The following NEDD9 variants were observed in gnomAD, a reference collection of about 807,000 sequenced individuals.
The protein encoded by NEDD9 is enhancer of filamentation 1.
A neutral mutation model predicts 76.6 loss-of-function variants in NEDD9; 26 were observed. The observed-to-expected ratio is 0.34, with a 90% CI of 0.25 to 0.47. NEDD9 has a LOEUF of 0.47. NEDD9 is among the 20% of genes least tolerant of loss of function. NEDD9 has a pLI of 1.00. For missense variants in NEDD9, 937 were observed against 1,058.5 expected (o/e 0.89, Z 1.59); for synonymous variants, 392 against 414.2 (o/e 0.95, Z 0.65).
chr6:11,258,974 G>C lies in NEDD9; in HGVS notation c.13-45247C>G, dbSNP rs562623359. On this transcript the variant is annotated intron_variant, in intron 3 of 3. Transcript: ENST00000397378. Reference sequence around the variant, plus strand: ...CTCTGGGCAGGACTGAGGGGGACCTGGGTATATGACCAAGCCCTGGACAGT... The same window carrying C: ...CTCTGGGCAGGACTGAGGGGGACCTCGGTATATGACCAAGCCCTGGACAGT... The C allele has an allele frequency of 7.9e-5, 12 of 152,462 alleles. No individual in the cohort carries two copies. The East Asian group carries it at 2.1e-3, about 27-fold the overall frequency. 9.4% of individuals were successfully genotyped at this position (152,462 alleles called of 1,614,324 possible).
intron 1 of NEDD9, among the ~76,000 whole-genome samples, chr6:11,338,762 A>G (rs1487716640): frequency 6.6e-6 from 1 of 151,994 alleles, no homozygotes; most frequent in Non-Finnish European, 1.5e-5. Context: ...TATCTACTAA[A>G]AATACAAAAA....
At chr6:11,360,779 T>C (rs1216857004) in intron 1 of NEDD9, among the ~76,000 whole-genome samples, 3 of 151,316 alleles carry the variant, frequency 2.0e-5, no homozygotes, top group Non-Finnish European at 4.4e-5. Flanking sequence ...CTCAGGTATT[T>C]CTTTATAGCA....
chr6:11,326,772 G>A (rs368876694), intron 2 of NEDD9, among the ~76,000 whole-genome samples: 10 of 152,306 alleles, frequency 6.6e-5, no homozygotes, highest in South Asian at 2.1e-4. Context: ...CCCCTGCCCC[G>A]TACCATCTTC....
At chr6:11,353,729 C>T (rs533987096) in intron 1 of NEDD9, among the ~76,000 whole-genome samples, 7 of 152,218 alleles carry the variant, frequency 4.6e-5, no homozygotes, top group South Asian at 2.1e-4. Flanking sequence ...CCACCTTTAA[C>T]GTGGAAAACC....
chr6:11,365,873 C>A (rs1349101752), intron 1 of NEDD9, among the ~76,000 whole-genome samples: 1 of 152,022 alleles, frequency 6.6e-6, no homozygotes, highest in African/African-American at 2.4e-5. Context: ...CATCTGTAGA[C>A]CCAACTACTC....
At chr6:11,375,256 T>C (rs1335654144) in intron 1 of NEDD9, among the ~76,000 whole-genome samples, 1 of 152,212 alleles carries the variant, frequency 6.6e-6, no homozygotes, top group Non-Finnish European at 1.5e-5. Context: ...CTCAGAAATA[T>C]CATGTTGACC....
In NEDD9 at chr6:11,346,484, C is replaced by CA. The variant is rs576907050; in HGVS notation, c.-213-11924_-213-11923insT. On this transcript the variant is annotated intron_variant, in intron 1 of 3. Transcript: ENST00000397378. The stretch of plus-strand genomic sequence containing the variant: ...TTATAAGAAGGCTCGGAGGCCCCCC[C>CA]CCCCGAGGTGAGTGGAAAGCCCTCT... Among the ~76,000 whole-genome samples, 15 of 151,850 alleles carry CA rather than the reference C, an allele frequency of 9.9e-5. No individual in the cohort carries two copies. In the South Asian group the frequency reaches 1.3e-3, roughly 13 times the overall value.
At chr6:11,259,969 C>T (rs1283797714) in intron 3 of NEDD9, among the ~76,000 whole-genome samples, 1 of 150,838 alleles carries the variant, frequency 6.6e-6, no homozygotes, top group Non-Finnish European at 1.5e-5. Flanking sequence ...CAGACACACA[C>T]CCCACCACAG....
intron 1 of NEDD9, among the ~76,000 whole-genome samples, chr6:11,216,699 T>C (rs952985140): frequency 2.6e-5 from 4 of 152,212 alleles, no homozygotes; most frequent in African/African-American, 9.6e-5. Flanking sequence ...CTTTGGGCCT[T>C]AGTTTCCCGG....
intron 1 of NEDD9, among the ~76,000 whole-genome samples, chr6:11,364,861 T>A (rs1040918053): frequency 1.3e-5 from 2 of 152,184 alleles, no homozygotes; most frequent in South Asian, 2.1e-4. Flanking sequence ...GCTATTTTTT[T>A]AAACAATAAT....
At chr6:11,297,136 T>TG (rs202010784) in intron 3 of NEDD9, among the ~76,000 whole-genome samples, 398 of 152,010 alleles carry the variant, frequency 2.6e-3, no homozygotes, top group African/African-American at 5.9e-3. Flanking sequence ...TGTTTTGTTT[T>TG]TTTTTTTTTT....
chr6:11,305,310 A>G (rs1761153452), intron 3 of NEDD9: 2 of 415,198 alleles, frequency 4.8e-6, no homozygotes, highest in Non-Finnish European at 8.3e-6. Flanking sequence ...ACAGAGATTC[A>G]AAAGGGTCAG....
At chr6:11,374,066 C>CTATATATATATA (rs35562815) in intron 1 of NEDD9, among the ~76,000 whole-genome samples, 1 of 149,554 alleles carries the variant, frequency 6.7e-6, no homozygotes, top group African/African-American at 2.5e-5. Flanking sequence ...CTCTCTCTCT[C>CTATATATATATA]TATATATATA....
intron 1 of NEDD9, 66 bp downstream of exon 1, chr6:11,232,438 C>A: frequency 6.3e-7 from 1 of 1,598,502 alleles, no homozygotes; most frequent in South Asian, 1.1e-5. Flanking sequence ...AACACGCATA[C>A]ACAAGCACAC....
intron 3 of NEDD9, among the ~76,000 whole-genome samples, chr6:11,267,462 G>C (rs1397123574): frequency 1.3e-5 from 2 of 151,632 alleles, no homozygotes; most frequent in Non-Finnish European, 2.9e-5. Context: ...CTTAAGATTT[G>C]TACTTAGACT....
chr6:11,285,854 A>AATAT (rs1250576703), intron 3 of NEDD9, among the ~76,000 whole-genome samples: 2 of 152,206 alleles, frequency 1.3e-5, no homozygotes, highest in African/African-American at 4.8e-5. Flanking sequence ...TATGAATATT[A>AATAT]ATTCAAAGTG....
intron 1 of NEDD9, among the ~76,000 whole-genome samples, chr6:11,232,135 G>A (rs974066485): frequency 6.6e-5 from 10 of 152,082 alleles, no homozygotes; most frequent in African/African-American, 2.2e-4. Flanking sequence ...AGTTCCCCAG[G>A]GCAGTGGAAG....
intron 2 of NEDD9, among the ~76,000 whole-genome samples, chr6:11,306,828 G>C (rs1433533846): frequency 6.6e-6 from 1 of 152,130 alleles, no homozygotes; most frequent in Non-Finnish European, 1.5e-5. Flanking sequence ...TAGATGCAAA[G>C]CCCAGAATTT....
chr6:11,192,587 A>T (rs557546885), intron 3 of NEDD9, 141 bp from the exon 4 acceptor site: 6 of 502,690 alleles, frequency 1.2e-5, no homozygotes, highest in Non-Finnish European at 1.6e-5. Context: ...GTTATAACAG[A>T]TTTATTGCCT....
Sources: gnomAD v4.1 joint callset for allele counts (sites outside exome capture counted in the v4.1 genomes callset) on GRCh38, gnomAD v4.1.1 for gene constraint, MANE v1.5 for transcripts, NCBI Gene and HGNC (gene_info 2026-07-23, HGNC 2026-07-21) for gene names.